Variants in WASHC4 observed in about 807,000 individuals in gnomAD.
WASHC4 encodes WASH complex subunit 7.
A neutral mutation model predicts 166.6 loss-of-function variants in WASHC4; 86 were observed. That is an observed-to-expected ratio of 0.52 (90% CI 0.43 to 0.62). WASHC4 has a LOEUF of 0.62. WASHC4 is among the 20% of genes least tolerant of loss of function. The pLI is 0.00. For missense variants in WASHC4, 1,262 were observed against 1,382.4 expected, an observed-to-expected ratio of 0.91 and a Z score of 1.38; for synonymous variants, 446 against 451.6, an observed-to-expected ratio of 0.99 and a Z score of 0.16.
At chr12:105,115,287 AACAG>A (rs2135725973) in intron 5 of WASHC4, 58 bp downstream of exon 5, 1 of 1,049,784 alleles carries the variant, frequency 9.5e-7, no homozygotes, top group Non-Finnish European at 1.5e-6. Flanking sequence ...ACAAAAAGTT[AACAG>A]ACAATTTTAG....
Position 105,149,651 on chromosome 12 carries a change from T to C in WASHC4, c.2551T>C (p.Tyr851His). 6.5e-7 allele frequency: 1 copy of C among 1,547,028 alleles called. No individual in the cohort carries two copies. Among genetic ancestry groups the C allele is most frequent in the Non-Finnish European group, 8.9e-7 (1 of 1,122,670 alleles). Residue 851 changes from tyrosine (Y) to histidine (H), a missense_variant, in exon 25 of 33, where the codon TAT becomes CAT. By Grantham distance (83) the Tyr-to-His change is moderately conservative (BLOSUM62 2). Coordinates refer to ENST00000332180, the MANE Select transcript of WASHC4 (RefSeq NM_015275.3). ...CTACCAGTTTTTGAAAAAGAAGTTCTATATATTTAGCCAATTTATGTATGA... is the reference window on the plus strand; with the variant it reads ...CTACCAGTTTTTGAAAAAGAAGTTCCATATATTTAGCCAATTTATGTATGA... ...FTYQFLKKKFYIFSQFMYDEH... is the reference protein window; with the variant it reads ...FTYQFLKKKFHIFSQFMYDEH...
intron 11 of WASHC4, 50 bp from the exon 12 acceptor site, chr12:105,126,185 A>G (rs796153119): frequency 3.1e-6 from 5 of 1,612,468 alleles, no homozygotes; most frequent in East Asian, 2.2e-5. Flanking sequence ...CCTTAAAAGC[A>G]TAATTGAAGT....
In WASHC4 at chr12:105,127,160, T is replaced by C. The variant is rs757542176; in HGVS notation, c.1070T>C (p.Ile357Thr). The C allele has an allele frequency of 6.2e-6, 10 of 1,613,182 alleles. No homozygotes were observed. The Admixed American group carries it at 1.3e-4, about 22-fold the overall frequency. The stretch of plus-strand genomic sequence containing the variant: ...GCCATCACTCTAACTGCTAATATTA[T>C]TTGGTTTCCTGATAATTTTCTGATC... ...VPAITLTANIIWFPDNFLIQK... is the reference protein window; with the variant it reads ...VPAITLTANITWFPDNFLIQK... The change falls in exon 13 of 33, where the codon ATT becomes ACT. Residue 357 changes from isoleucine (I) to threonine (T), a missense_variant. Transcript: ENST00000332180.
rs985908111 is a variant in WASHC4, at chr12:105,126,461, A to T, written c.1038+99A>T. On this transcript the variant is annotated intron_variant, in intron 12 of 32. Coordinates refer to ENST00000332180, the MANE Select transcript of WASHC4 (RefSeq NM_015275.3). The stretch of plus-strand genomic sequence containing the variant: ...GCATTTTATTCCTGTTTACAAAAAT[A>T]ATTTAAAAGTATTCACTTGTAAAAT... 20 of 964,738 alleles carry T rather than the reference A, an allele frequency of 2.1e-5. No individual in the cohort carries two copies. In the Middle Eastern group the frequency reaches 1.0e-3, roughly 48 times the overall value. The allele number at this position is 964,738 out of a possible 1,614,324, so 59.8% of individuals were successfully genotyped here.
intron 7 of WASHC4, among the ~76,000 whole-genome samples, chr12:105,119,784 T>C (rs1031959660): frequency 2.6e-5 from 4 of 152,240 alleles, no homozygotes; most frequent in Non-Finnish European, 5.9e-5. Flanking sequence ...TTTAATATTA[T>C]AAGCACTATT....
At chr12:105,143,025 CAGATCG>C in intron 19 of WASHC4, 96 bp from the exon 20 acceptor site, 1 of 740,074 alleles carries the variant, frequency 1.4e-6, no homozygotes, top group Non-Finnish European at 2.4e-6. Context: ...ATTTTTCCTT[CAGATCG>C]AGGTTTTGTC....
chr12:105,125,405 G>A (rs2135749686), intron 10 of WASHC4, among the ~76,000 whole-genome samples: 2 of 152,160 alleles, frequency 1.3e-5, no homozygotes, highest in South Asian at 4.1e-4. Context: ...TGTGTTAATT[G>A]ACTTATGTTA....
intron 1 of WASHC4, among the ~76,000 whole-genome samples, chr12:105,109,123 G>A (rs906959617): frequency 1.3e-5 from 2 of 152,128 alleles, no homozygotes; most frequent in African/African-American, 4.8e-5. Context: ...GTGATAATAA[G>A]GTATTAGCTC....
intron 1 of WASHC4, among the ~76,000 whole-genome samples, chr12:105,108,335 G>A (rs1189967002): frequency 1.3e-5 from 2 of 152,206 alleles, no homozygotes; most frequent in Non-Finnish European, 2.9e-5. Context: ...GCAAGTTTGG[G>A]TGTCTTTCCC....
intron 32 of WASHC4, among the ~76,000 whole-genome samples, chr12:105,165,471 T>C (rs962818885): frequency 1.3e-5 from 2 of 152,222 alleles, no homozygotes; most frequent in South Asian, 2.1e-4. Flanking sequence ...ATAGCATACA[T>C]TTCTCATTGC....
intron 1 of WASHC4, among the ~76,000 whole-genome samples, chr12:105,108,837 AAT>A (rs1330342787): frequency 3.2e-4 from 48 of 152,284 alleles, no homozygotes; most frequent in Middle Eastern, 6.8e-3. Context: ...TAATGCCTAC[AAT>A]GTTAGATGAA....
intron 15 of WASHC4, 131 bp from the exon 16 acceptor site, chr12:105,140,163 G>A (rs758623220): frequency 2.9e-5 from 21 of 712,640 alleles, no homozygotes; most frequent in Admixed American, 6.1e-5. Flanking sequence ...GAGCCACCAC[G>A]CCAGGACTGT....
At chr12:105,149,158 G>GATAATTGA in intron 24 of WASHC4, 1 of 985,390 alleles carries the variant, frequency 1.0e-6, no homozygotes, top group Non-Finnish European at 1.2e-6. Context: ...TTTATGGATA[G>GATAATTGA]ATAATTGAAT....
rs1319782329 is a variant in WASHC4 at position 105,144,345 on chromosome 12, C to G, written c.2069C>G (p.Thr690Ser). The change falls in exon 21 of 33, where the codon ACT becomes AGT. Residue 690 changes from threonine to serine, a missense_variant. Physicochemically the swap from Thr to Ser is moderately conservative, Grantham distance 58 (BLOSUM62 1). Coordinates refer to ENST00000332180, the MANE Select transcript of WASHC4 (RefSeq NM_015275.3). ...IEKDLRLSVH[T>S]HLKLDDRNPF... Reference sequence around the variant, plus strand: ...AAAGATCTGCGACTTTCTGTGCATACTCATTTAAAGCTGGATGACCGAAAC... The same window carrying G: ...AAAGATCTGCGACTTTCTGTGCATAGTCATTTAAAGCTGGATGACCGAAAC... 15 of 1,613,166 alleles carry G rather than the reference C, an allele frequency of 9.3e-6. No individual in the cohort carries two copies. The highest frequency in any genetic ancestry group is 1.2e-5 in the Non-Finnish European group (14 of 1,179,326).
At chr12:105,139,609 A>G in intron 15 of WASHC4, among the ~76,000 whole-genome samples, 1 of 151,458 alleles carries the variant, frequency 6.6e-6, no homozygotes, top group Middle Eastern at 3.4e-3. Flanking sequence ...ATTGTTAGTG[A>G]TGGTAAATAT....
intron 26 of WASHC4, among the ~76,000 whole-genome samples, chr12:105,153,996 G>A (rs961693757): frequency 1.3e-5 from 2 of 149,006 alleles, no homozygotes; most frequent in East Asian, 2.0e-4. Flanking sequence ...TTAATCCATC[G>A]TTTTACTCTT....
intron 1 of WASHC4, among the ~76,000 whole-genome samples, chr12:105,109,344 T>A (rs1184471412): frequency 6.6e-6 from 1 of 152,170 alleles, no homozygotes; most frequent in Non-Finnish European, 1.5e-5. Flanking sequence ...AATGGTCTGA[T>A]TCACTCAACA....
rs766686209 is a variant in WASHC4, at chr12:105,107,781, C to T, written c.-20C>T. 2 of 1,546,622 alleles carry T rather than the reference C, an allele frequency of 1.3e-6. No individual in the cohort carries two copies. The highest frequency in any genetic ancestry group is 1.8e-6 in the Non-Finnish European group (2 of 1,142,822). On this transcript the variant is annotated 5_prime_UTR_variant, in exon 1 of 33. Coordinates refer to ENST00000332180, the MANE Select transcript of WASHC4 (RefSeq NM_015275.3). ...CCGCACGGGCTGGTTGGGGCTGTGT[C>T]TGTGGGAGGCGCCGGGGTGATGGCG...
chr12:105,142,762 G>A (rs1451160672), intron 19 of WASHC4, among the ~76,000 whole-genome samples: 1 of 151,862 alleles, frequency 6.6e-6, no homozygotes, highest in East Asian at 1.9e-4. Context: ...CTTCCTTCAT[G>A]TTCCTAATCA....
Sources: gnomAD v4.1 joint callset for allele counts (sites outside exome capture counted in the v4.1 genomes callset) on GRCh38, gnomAD v4.1.1 for gene constraint, MANE v1.5 for transcripts, NCBI Gene and HGNC (gene_info 2026-07-23, HGNC 2026-07-21) for gene names.